Variants in MKLN1 observed in about 807,000 individuals in gnomAD.
MKLN1 encodes muskelin 1.
In MKLN1, 18 loss-of-function variants were observed where a neutral mutation model predicts 99.0. The observed-to-expected ratio is 0.18, with a 90% confidence interval of 0.13 to 0.27. The LOEUF (loss-of-function observed/expected upper bound fraction) is 0.27, where lower values mean the gene tolerates loss of function less well. MKLN1 is among the 10% of genes least tolerant of loss of function. The pLI is 1.00. For synonymous variants in MKLN1, 288 were observed against 293.2 expected (o/e 0.98, Z 0.18); for missense variants, 621 against 875.9 (o/e 0.71, Z 3.67).
intron 1 of MKLN1, among the ~76,000 whole-genome samples, chr7:131,332,644 G>T (rs1799112479): frequency 6.6e-6 from 1 of 151,690 alleles, no homozygotes; most frequent in African/African-American, 2.4e-5. Flanking sequence ...ATCTTTTACT[G>T]TAGATGTATG....
chr7:131,223,330 T>C (rs115140693), intron 3 of MKLN1, among the ~76,000 whole-genome samples: 2,128 of 152,316 alleles, frequency 0.014, 43 homozygotes, highest in African/African-American at 0.049. Context: ...GCTTCCTTAC[T>C]CTGGAAGACC....
Position 131,175,367 on chromosome 7 carries a change from A to G in MKLN1, c.-296-27490A>G, listed in dbSNP as rs893935968. ...ATAGCTTAAGCAAAGACAGGGAAAT[A>G]ATATTTATGAGTGCAGAAGTTAGTC... On this transcript the variant is annotated intron_variant, in intron 2 of 7. Coordinates refer to the MKLN1 transcript ENST00000416992. 4.6e-5 allele frequency among the ~76,000 whole-genome samples: 7 copies of G among 152,346 alleles called. No individual in the cohort carries two copies. In the South Asian group the frequency reaches 8.3e-4, roughly 18 times the overall value.
At chr7:131,388,840 T>A (rs762623364) in intron 3 of MKLN1, 44 bp from the exon 4 acceptor site, 2 of 1,329,310 alleles carry the variant, frequency 1.5e-6, no homozygotes. Flanking sequence ...GTGCATTTAC[T>A]AAATTATGAA....
chr7:131,125,608 C>A (rs1795441073), intron 1 of MKLN1, among the ~76,000 whole-genome samples: 1 of 152,222 alleles, frequency 6.6e-6, no homozygotes, highest in Non-Finnish European at 1.5e-5. Context: ...CTGTGGCTCA[C>A]ACCTGTAATC....
chr7:131,172,708 G>A (rs553836884), intron 2 of MKLN1, among the ~76,000 whole-genome samples: 12 of 152,302 alleles, frequency 7.9e-5, no homozygotes, highest in East Asian at 1.9e-4. Context: ...GAAAAGCCAC[G>A]GAACTGTCTC....
At chr7:131,241,855 A>G (rs768752743) in intron 3 of MKLN1, among the ~76,000 whole-genome samples, 2 of 152,112 alleles carry the variant, frequency 1.3e-5, no homozygotes, top group African/African-American at 2.4e-5. Context: ...ATTGCTGTTC[A>G]TTGCATAGAC....
intron 9 of MKLN1, among the ~76,000 whole-genome samples, chr7:131,433,662 A>G (rs914782535): frequency 6.6e-6 from 1 of 152,192 alleles, no homozygotes; most frequent in African/African-American, 2.4e-5. Context: ...ATGTAAGTAT[A>G]TATCTCTTTT....
At chr7:131,359,686 T>C (rs1799972844) in intron 1 of MKLN1, among the ~76,000 whole-genome samples, 1 of 152,184 alleles carries the variant, frequency 6.6e-6, no homozygotes, top group African/African-American at 2.4e-5. Flanking sequence ...GATTGTTATG[T>C]CTTCTTGGAG....
At chr7:131,221,666 C>T (rs1797061531) in intron 3 of MKLN1, among the ~76,000 whole-genome samples, 1 of 150,044 alleles carries the variant, frequency 6.7e-6, no homozygotes, top group African/African-American at 2.4e-5. Flanking sequence ...TGCCACCACA[C>T]CCGGCTAATT....
At chr7:131,180,699 A>T (rs78931321) in intron 2 of MKLN1, among the ~76,000 whole-genome samples, 1 of 40,970 alleles carries the variant, frequency 2.4e-5, no homozygotes, top group Non-Finnish European at 5.8e-5. Context: ...ACTTGGTCTC[A>T]AAAAAAAAAA....
In MKLN1 at chr7:131,495,767, G is replaced by A. The variant is rs1797541786; in HGVS notation, c.*8039G>A. 6.6e-6 allele frequency: 1 copy of A among 152,074 alleles called. No homozygotes were observed. Among genetic ancestry groups the A allele is most frequent in the Non-Finnish European group, 1.5e-5 (1 of 68,016 alleles). The allele number at this position is 152,074 out of a possible 1,614,324, so 9.4% of individuals were successfully genotyped here. A position where few individuals can be genotyped will look rare whatever the true frequency, so the allele number is the denominator to read the frequency against. On this transcript the variant is annotated 3_prime_UTR_variant, in exon 18 of 18. Coordinates refer to ENST00000352689, the MANE Select transcript of MKLN1 (RefSeq NM_013255.5). ...TAGGTCTGTTTAAGCCTGAACTCTGGGTGTAAAATGTTATCCAGAAGCTAT... is the reference window on the plus strand; with the variant it reads ...TAGGTCTGTTTAAGCCTGAACTCTGAGTGTAAAATGTTATCCAGAAGCTAT...
chr7:131,146,738 A>C (rs568877757), intron 2 of MKLN1, among the ~76,000 whole-genome samples: 1 of 152,390 alleles, frequency 6.6e-6, no homozygotes, highest in South Asian at 2.1e-4. Flanking sequence ...AAAAGTGATA[A>C]TCCGTCACTC....
Position 131,487,487 on chromosome 7 carries a change from G to T in MKLN1, c.2087-120G>T. On this transcript the variant is annotated intron_variant, in intron 17 of 17. Coordinates refer to ENST00000352689, the MANE Select transcript of MKLN1 (RefSeq NM_013255.5). This position sits in a 1 kb window ranked among gnomAD's most constrained non-coding sequence, Gnocchi z 4.7. ...AACTGGGGTCAGATCAGTAGTGTCT[G>T]CCTGGTTTTGAAGCCTGATTTGATT... The T allele has an allele frequency of 9.1e-7, 1 of 1,103,886 alleles. No individual in the cohort carries two copies. Among genetic ancestry groups the T allele is most frequent in the East Asian group, 2.5e-5 (1 of 39,928 alleles). The allele number at this position is 1,103,886 out of a possible 1,614,324, so 68.4% of individuals were successfully genotyped here. A position where few individuals can be genotyped will look rare whatever the true frequency, so the allele number is the denominator to read the frequency against.
chr7:131,313,554 G>A (rs1261564837), intron 3 of MKLN1, among the ~76,000 whole-genome samples: 1 of 152,230 alleles, frequency 6.6e-6, no homozygotes, highest in African/African-American at 2.4e-5. Context: ...AGCTCGTACT[G>A]AGTTTTAGAG....
intron 2 of MKLN1, among the ~76,000 whole-genome samples, chr7:131,192,538 A>G (rs1436758628): frequency 7.1e-6 from 1 of 140,940 alleles, no homozygotes; most frequent in Non-Finnish European, 1.5e-5. Context: ...ATATATAAAT[A>G]TATATATTAT....
intron 3 of MKLN1, among the ~76,000 whole-genome samples, chr7:131,215,413 A>G (rs963115249): frequency 6.6e-6 from 1 of 152,164 alleles, no homozygotes; most frequent in Admixed American, 6.5e-5. Flanking sequence ...TGGCACCACA[A>G]TAACTCACTG....
At chr7:131,114,248 AGGTCCAAGATAG>A (rs1382511521) in intron 1 of MKLN1, among the ~76,000 whole-genome samples, 1 of 152,208 alleles carries the variant, frequency 6.6e-6, no homozygotes, top group East Asian at 1.9e-4. Context: ...ATATATCCTG[AGGTCCAAGATAG>A]GGACCTCAGG....
At chr7:131,407,111 A>T (rs1794731012) in intron 6 of MKLN1, among the ~76,000 whole-genome samples, 1 of 151,804 alleles carries the variant, frequency 6.6e-6, no homozygotes, top group Non-Finnish European at 1.5e-5. Flanking sequence ...CATTTCCACT[A>T]CTATATTATT....
In MKLN1 at chr7:131,397,393, A is replaced by G; in HGVS notation, c.510+17A>G. 7.2e-7 allele frequency: 1 copy of G among 1,388,502 alleles called. No individual in the cohort carries two copies. The highest frequency in any genetic ancestry group is 1.0e-6 in the Non-Finnish European group (1 of 1,000,696). The allele number at this position is 1,388,502 out of a possible 1,614,324, so 86.0% of individuals were successfully genotyped here. Reference sequence around the variant, plus strand: ...TATAGCAAGGTAGGACTGTGTTTTAAATCCTGACTTTAATGCCTATAAAAG... The same window carrying G: ...TATAGCAAGGTAGGACTGTGTTTTAGATCCTGACTTTAATGCCTATAAAAG... On this transcript the variant is annotated intron_variant, in intron 5 of 17. Transcript: ENST00000352689.
Sources: gnomAD v4.1 joint callset for allele counts (sites outside exome capture counted in the v4.1 genomes callset) on GRCh38, gnomAD v4.1.1 for gene constraint, Gnocchi (gnomAD v3.1) non-coding constraint, MANE v1.5 for transcripts, NCBI Gene and HGNC (gene_info 2026-07-23, HGNC 2026-07-21) for gene names.